Variants in EXOC6B observed in about 807,000 individuals in gnomAD.
EXOC6B encodes the protein SEC15 homolog B.
A neutral mutation model predicts 113.5 loss-of-function variants in EXOC6B; 54 were observed. The ratio of observed to expected loss-of-function variants is 0.48; its 90% CI spans 0.38 to 0.60. EXOC6B has a LOEUF of 0.60. Ranked by LOEUF, EXOC6B falls within the 20% of genes least tolerant of loss-of-function variation. EXOC6B has a pLI of 0.00. For missense variants in EXOC6B, 797 were observed against 977.5 expected, an observed-to-expected ratio of 0.82 and a Z score of 2.46; for synonymous variants, 357 against 339.0, an observed-to-expected ratio of 1.05 and a Z score of -0.58.
chr2:72,741,593 T>A, intron 1 of EXOC6B, 124 bp from the exon 2 acceptor site: 2 of 723,812 alleles, frequency 2.8e-6, no homozygotes, highest in Non-Finnish European at 4.3e-6. Flanking sequence ...TATATTAACA[T>A]GCCTTATTGT....
chr2:72,226,508 A>G (rs1306788577), intron 20 of EXOC6B, among the ~76,000 whole-genome samples: 2 of 152,238 alleles, frequency 1.3e-5, no homozygotes, highest in Non-Finnish European at 2.9e-5. Context: ...AAAGACATGA[A>G]GGAAGAAAAT....
intron 19 of EXOC6B, among the ~76,000 whole-genome samples, chr2:72,343,137 A>G (rs1220081160): frequency 6.6e-6 from 1 of 152,192 alleles, no homozygotes. Context: ...ATAAAAAACA[A>G]AAAGAAGGCT....
chr2:72,264,447 T>A (rs931934279), intron 20 of EXOC6B, among the ~76,000 whole-genome samples: 1 of 152,090 alleles, frequency 6.6e-6, no homozygotes, highest in African/African-American at 2.4e-5. Flanking sequence ...GGCAGGTGCC[T>A]ATAATCCCAG....
At chr2:72,341,628 A>G (rs1402796037) in intron 19 of EXOC6B, among the ~76,000 whole-genome samples, 1 of 152,152 alleles carries the variant, frequency 6.6e-6, no homozygotes, top group African/African-American at 2.4e-5. Flanking sequence ...GAAAGGAGAA[A>G]TACAGCAATA....
chr2:72,709,615 C>T (rs935250862), intron 6 of EXOC6B, among the ~76,000 whole-genome samples: 4 of 152,110 alleles, frequency 2.6e-5, no homozygotes, highest in African/African-American at 9.7e-5. Flanking sequence ...ACACAATCAC[C>T]AGGCTCATGA....
At chr2:72,759,617 A>T (rs1368197609) in intron 1 of EXOC6B, among the ~76,000 whole-genome samples, 1 of 152,168 alleles carries the variant, frequency 6.6e-6, no homozygotes, top group Non-Finnish European at 1.5e-5. Flanking sequence ...AAAAGAAAAA[A>T]TCCACGTGGG....
chr2:72,332,365 GT>G (rs928252937), intron 20 of EXOC6B, among the ~76,000 whole-genome samples: 1 of 152,026 alleles, frequency 6.6e-6, no homozygotes, highest in Non-Finnish European at 1.5e-5. Context: ...GTAGTATTCA[GT>G]TTTGGTCCAT....
At chr2:72,669,718 G>A (rs1675660476) in intron 6 of EXOC6B, among the ~76,000 whole-genome samples, 1 of 152,210 alleles carries the variant, frequency 6.6e-6, no homozygotes. Flanking sequence ...GTTGAGAAAC[G>A]CGTGGAAGTT....
intron 20 of EXOC6B, among the ~76,000 whole-genome samples, chr2:72,233,267 G>A (rs1681745026): frequency 6.6e-6 from 1 of 152,038 alleles, no homozygotes; most frequent in African/African-American, 2.4e-5. Flanking sequence ...GCAGCTCAGT[G>A]CACCATGTGA....
chr2:72,234,601 G>T (rs1333783911), intron 20 of EXOC6B, among the ~76,000 whole-genome samples: 1 of 152,032 alleles, frequency 6.6e-6, no homozygotes, highest in Admixed American at 6.5e-5. Flanking sequence ...CACAGAAAAA[G>T]AAACTATCAA....
chr2:72,421,783 G>A (rs1289144096), intron 18 of EXOC6B, among the ~76,000 whole-genome samples: 3 of 152,242 alleles, frequency 2.0e-5, no homozygotes, highest in African/African-American at 7.2e-5. Flanking sequence ...TTCTGGGCTG[G>A]CCAAGGCTGG....
intron 1 of EXOC6B, among the ~76,000 whole-genome samples, chr2:72,771,046 G>A (rs1346288228): frequency 6.6e-6 from 1 of 152,052 alleles, no homozygotes; most frequent in Non-Finnish European, 1.5e-5. Flanking sequence ...AATTGCTGAT[G>A]AGCATAAAGT....
rs539045827 is a variant in EXOC6B, at chr2:72,513,033, G to A, written c.1167+99C>T. On this transcript the variant is annotated intron_variant, in intron 11 of 21. Coordinates refer to ENST00000272427, the MANE Select transcript of EXOC6B (RefSeq NM_015189.3). ...AGGACATCTATAGCTCCAAGTGAGT[G>A]ATTCCAAAGACATACATATGTTGAT... 7.7e-5 allele frequency: 104 copies of A among 1,357,594 alleles called. No individual in the cohort carries two copies. The African/African-American group carries it at 1.4e-3, about 18-fold the overall frequency. 84.1% of individuals were successfully genotyped at this position (1,357,594 alleles called of 1,614,324 possible).
At chr2:72,288,863 G>T (rs1685609083) in intron 20 of EXOC6B, 1 of 213,254 alleles carries the variant, frequency 4.7e-6, no homozygotes, top group Non-Finnish European at 9.5e-6. Flanking sequence ...CTGAAGCATG[G>T]TTACATTGGT....
chr2:72,657,225 C>CTT lies in EXOC6B; in HGVS notation c.669+60876_669+60877dup, dbSNP rs70963135. On this transcript the variant is annotated intron_variant, in intron 6 of 21. Coordinates refer to ENST00000272427, the MANE Select transcript of EXOC6B (RefSeq NM_015189.3). ...TACTTAACCATATTACCACAACTGTCTTTTTTTTTTTTTTTTTTGAGATGG... is the reference window on the plus strand; with the variant it reads ...TACTTAACCATATTACCACAACTGTCTTTTTTTTTTTTTTTTTTTTGAGATGG... Among the ~76,000 whole-genome samples the CTT allele has an allele frequency of 9.8e-3, 1,178 of 120,048 alleles. 51 individuals carry two copies. The highest frequency in any genetic ancestry group is 0.012 in the Non-Finnish European group (722 of 60,240). The allele number at this position is 120,048 out of a possible 152,430, so 78.8% of individuals were successfully genotyped here. A position where few individuals can be genotyped will look rare whatever the true frequency, so the allele number is the denominator to read the frequency against.
At chr2:72,567,708 G>T (rs886503853) in intron 7 of EXOC6B, among the ~76,000 whole-genome samples, 9 of 151,938 alleles carry the variant, frequency 5.9e-5, no homozygotes, top group African/African-American at 2.2e-4. Context: ...AAAGAAAAGA[G>T]CAGAGCTCAA....
rs1269324691 is a variant in EXOC6B, at chr2:72,721,383, A to C, written c.465-3076T>G. The stretch of plus-strand genomic sequence containing the variant: ...TTTTTGTAAAAAAAAAAAAAAAAAA[A>C]AAAAATGAACAAAGAAAATTCACAA... On this transcript the variant is annotated intron_variant, in intron 5 of 21. Transcript: ENST00000272427. Among the ~76,000 whole-genome samples, 7 of 149,266 alleles carry C rather than the reference A, an allele frequency of 4.7e-5. No individual in the cohort carries two copies. The East Asian group carries it at 1.4e-3, about 29-fold the overall frequency.
chr2:72,407,009 G>A (rs532551693), intron 18 of EXOC6B, among the ~76,000 whole-genome samples: 79 of 151,958 alleles, frequency 5.2e-4, no homozygotes, highest in African/African-American at 1.8e-3. Context: ...TCAAATAGAC[G>A]CAATAAAAAA....
At chr2:72,575,754 C>T in intron 6 of EXOC6B, 86 bp from the exon 7 acceptor site, 1 of 1,239,826 alleles carries the variant, frequency 8.1e-7, no homozygotes, top group South Asian at 1.9e-5. Flanking sequence ...AGAAACAAAA[C>T]TTAATTAAGC....
Sources: allele counts gnomAD v4.1 joint callset (sites outside exome capture counted in the v4.1 genomes callset), GRCh38; gene constraint gnomAD v4.1.1; transcripts MANE v1.5; gene names NCBI Gene and HGNC (gene_info 2026-07-23, HGNC 2026-07-21).